The following TWIST2 variants were observed in gnomAD, a reference collection of about 807,000 sequenced individuals.
The protein encoded by TWIST2 is twist-related protein 2.
TWIST2 carries 1 observed loss-of-function variant against 11.6 expected under a neutral mutation model. The ratio of observed to expected loss-of-function variants is 0.09; its 90% CI spans 0.03 to 0.41. The LOEUF (loss-of-function observed/expected upper bound fraction) is 0.41. Among genes scored for constraint, TWIST2 ranks in the 10% least tolerant of loss-of-function variants. The probability of loss-of-function intolerance (pLI) is 0.98; values close to 1 mark genes in which losing one functional copy is unlikely to be tolerated. For missense variants in TWIST2, 168 were observed against 226.4 expected, an observed-to-expected ratio of 0.74 and a Z score of 1.66; for synonymous variants, 87 against 96.6, an observed-to-expected ratio of 0.90 and a Z score of 0.58.
chr2:238,908,402 C>T (rs1693392913), intron 1 of TWIST2, among the ~76,000 whole-genome samples: 3 of 151,400 alleles, frequency 2.0e-5, no homozygotes, highest in African/African-American at 4.9e-5. Flanking sequence ...ACCACACAAA[C>T]ATACCACACA....
At chr2:238,886,472 G>A (rs1693040057) in intron 1 of TWIST2, among the ~76,000 whole-genome samples, 1 of 152,088 alleles carries the variant, frequency 6.6e-6, no homozygotes, top group Admixed American at 6.5e-5. Flanking sequence ...ATGCCGTAAG[G>A]GTTGTTAGTG....
At position 238,904,529 on chromosome 2, in the gene TWIST2, T is replaced by C. The variant is rs912475916; in HGVS notation, c.*36-5313T>C. On this transcript the variant is annotated intron_variant, in intron 1 of 1. Transcript: ENST00000612363. The stretch of plus-strand genomic sequence containing the variant: ...TAGAGATTTCACATGTGTGCTCACC[T>C]CCCACCCTTCTTCCCTGCCATGCTG... Among the ~76,000 whole-genome samples, 763 of 151,896 alleles carry C rather than the reference T, an allele frequency of 5.0e-3. 5 individuals are homozygous for C. The highest frequency in any genetic ancestry group is 0.017 in the African/African-American group (720 of 41,346).
At position 238,884,155 on chromosome 2, in the gene TWIST2, C is replaced by T. The variant is rs373982786; in HGVS notation, c.*36-25687C>T. On this transcript the variant is annotated intron_variant, in intron 1 of 1. Transcript: ENST00000612363. ...AACATCTTCTGGGAAACAATGGGGCCGGCACTTACAAGCCAGTTCTTTAAG... is the reference window on the plus strand; with the variant it reads ...AACATCTTCTGGGAAACAATGGGGCTGGCACTTACAAGCCAGTTCTTTAAG... Among the ~76,000 whole-genome samples, 29 of 152,340 alleles carry T rather than the reference C, an allele frequency of 1.9e-4. No homozygotes were observed. The East Asian group carries it at 2.1e-3, about 11-fold the overall frequency.
At chr2:238,895,083 T>C (rs1693191760) in intron 1 of TWIST2, among the ~76,000 whole-genome samples, 1 of 152,196 alleles carries the variant, frequency 6.6e-6, no homozygotes, top group African/African-American at 2.4e-5. Context: ...CTGTCCATAT[T>C]TTCGTTCGCT....
intron 1 of TWIST2, among the ~76,000 whole-genome samples, chr2:238,905,896 CGTGTGTGCGTGTGTGT>C (rs1693338442): frequency 2.9e-5 from 4 of 139,326 alleles, no homozygotes; most frequent in African/African-American, 1.2e-4. Flanking sequence ...CGCGCATGCG[CGTGTGTGCGTGTGTGT>C]GCGTGCAGGT....
chr2:238,907,653 CGCATGATGA>C (rs1386955041), intron 1 of TWIST2, among the ~76,000 whole-genome samples: 1 of 151,896 alleles, frequency 6.6e-6, no homozygotes, highest in Non-Finnish European at 1.5e-5. Context: ...AGAAACAACA[CGCATGATGA>C]AACTGCAGGA....
intron 1 of TWIST2, among the ~76,000 whole-genome samples, chr2:238,852,540 C>T (rs1692260389): frequency 6.6e-6 from 1 of 152,186 alleles, no homozygotes; most frequent in South Asian, 2.1e-4. Flanking sequence ...GAGATACAGA[C>T]ATGGATGCTT....
chr2:238,885,491 C>T (rs1003666507), intron 1 of TWIST2, among the ~76,000 whole-genome samples: 3 of 152,218 alleles, frequency 2.0e-5, no homozygotes, highest in African/African-American at 7.2e-5. Flanking sequence ...TCTACTGCGT[C>T]AGCCATAGCA....
Position 238,864,892 on chromosome 2 carries a change from C to A in TWIST2, c.*35+16159C>A, listed in dbSNP as rs1166132148. On this transcript the variant is annotated intron_variant, in intron 1 of 1. Coordinates refer to ENST00000612363, the MANE Select transcript of TWIST2 (RefSeq NM_001271893.4). The surrounding 1 kb of genome is among the most constrained non-coding windows in gnomAD (Gnocchi z 4.7). ...TGTGGCCAGGCCAGGCCTGGAGATC[C>A]GCCAGGAGCAGAGAGCTCCGGAAGG... 6.6e-6 allele frequency among the ~76,000 whole-genome samples: 1 copy of A among 152,100 alleles called. No individual in the cohort carries two copies. The highest frequency in any genetic ancestry group is 1.5e-5 in the Non-Finnish European group (1 of 67,990).
chr2:238,850,614 C>T (rs952050619), intron 1 of TWIST2, among the ~76,000 whole-genome samples: 1 of 152,078 alleles, frequency 6.6e-6, no homozygotes, highest in African/African-American at 2.4e-5. Flanking sequence ...TAATCGCACT[C>T]CTCAAAACTT....
At chr2:238,880,211 A>G (rs1331090983) in intron 1 of TWIST2, among the ~76,000 whole-genome samples, 1 of 149,946 alleles carries the variant, frequency 6.7e-6, no homozygotes, top group Non-Finnish European at 1.5e-5. Flanking sequence ...TACTGTTAGT[A>G]TTAGTATTAG....
At chr2:238,854,592 C>T (rs1386310220) in intron 1 of TWIST2, among the ~76,000 whole-genome samples, 2 of 152,342 alleles carry the variant, frequency 1.3e-5, no homozygotes, top group African/African-American at 2.4e-5. Context: ...TCCTTTTGCT[C>T]TCTTCCCCGT....
At chr2:238,848,754 G>T (rs1423919655) in intron 1 of TWIST2, 21 bp downstream of exon 1, 15 of 1,335,602 alleles carry the variant, frequency 1.1e-5, no homozygotes, top group African/African-American at 9.3e-5. Context: ...CGCGCGCGAC[G>T]GGCGCCCTCC....
At chr2:238,897,192 C>G (rs1250073809) in intron 1 of TWIST2, among the ~76,000 whole-genome samples, 9 of 152,130 alleles carry the variant, frequency 5.9e-5, no homozygotes, top group African/African-American at 1.4e-4. Context: ...GGTATCCCTG[C>G]GTTCCTCCTG....
chr2:238,904,413 G>A (rs1574769358), intron 1 of TWIST2, among the ~76,000 whole-genome samples: 1 of 147,586 alleles, frequency 6.8e-6, no homozygotes, highest in East Asian at 2.0e-4. Flanking sequence ...TCTAATGTGA[G>A]GTGTGTGTGA....
chr2:238,855,096 C>T (rs1692307341), intron 1 of TWIST2, among the ~76,000 whole-genome samples: 1 of 152,300 alleles, frequency 6.6e-6, no homozygotes, highest in Non-Finnish European at 1.5e-5. Context: ...TGCACAGGCG[C>T]AGCGCAAGCT....
chr2:238,885,004 C>T (rs985114323), intron 1 of TWIST2, among the ~76,000 whole-genome samples: 6 of 152,196 alleles, frequency 3.9e-5, no homozygotes, highest in East Asian at 1.9e-4. Flanking sequence ...TCCACACGCT[C>T]GTGGAGACAC....
At chr2:238,903,424 GGGA>G (rs1693303319) in intron 1 of TWIST2, among the ~76,000 whole-genome samples, 1 of 143,774 alleles carries the variant, frequency 7.0e-6, no homozygotes. Context: ...TGTGTGATGT[GGGA>G]TGTGTGTGAT....
At chr2:238,886,442 T>G (rs1226639079) in intron 1 of TWIST2, among the ~76,000 whole-genome samples, 2 of 152,118 alleles carry the variant, frequency 1.3e-5, no homozygotes, top group Non-Finnish European at 2.9e-5. Flanking sequence ...TGAGGGAGAA[T>G]TCGAATTTCC....
Sources: allele counts gnomAD v4.1 joint callset (sites outside exome capture counted in the v4.1 genomes callset), GRCh38; gene constraint gnomAD v4.1.1; non-coding constraint Gnocchi (gnomAD v3.1); transcripts MANE v1.5; gene names NCBI Gene and HGNC (gene_info 2026-07-23, HGNC 2026-07-21).